CSMD3: variants seen among roughly 807,000 people sequenced by gnomAD.
The protein encoded by CSMD3 is CUB and sushi domain-containing protein 3.
Under a neutral mutation model 435.2 loss-of-function variants are expected in CSMD3, and 177 were observed. The observed-to-expected ratio is 0.41, with a 90% CI of 0.36 to 0.46. The LOEUF is 0.46. CSMD3 is among the 20% of genes least tolerant of loss of function. The pLI is 0.34. For synonymous variants in CSMD3, 1,656 were observed against 1,520.5 expected, an observed-to-expected ratio of 1.09 and a Z score of -2.07; for missense variants, 4,265 against 4,504.6, an observed-to-expected ratio of 0.95 and a Z score of 1.52.
intron 5 of CSMD3, among the ~76,000 whole-genome samples, chr8:113,069,684 T>A (rs369376827): frequency 2.0e-5 from 3 of 152,256 alleles, no homozygotes; most frequent in East Asian, 3.9e-4. Flanking sequence ...CAATACTCCT[T>A]CCCTTCCAGG....
At chr8:112,757,999 T>A (rs1274171356) in intron 13 of CSMD3, among the ~76,000 whole-genome samples, 5 of 152,062 alleles carry the variant, frequency 3.3e-5, no homozygotes, top group Non-Finnish European at 5.9e-5. Context: ...CAGGCTGCAG[T>A]GAGCCGTGAT....
chr8:112,239,344 G>T (rs2130026799), intron 66 of CSMD3, among the ~76,000 whole-genome samples: 1 of 152,104 alleles, frequency 6.6e-6, no homozygotes, highest in East Asian at 1.9e-4. Flanking sequence ...CTACAATGTT[G>T]AATTTGATTT....
At chr8:112,701,672 G>T (rs999514905) in intron 13 of CSMD3, among the ~76,000 whole-genome samples, 2 of 152,200 alleles carry the variant, frequency 1.3e-5, no homozygotes, top group Middle Eastern at 3.4e-3. Context: ...GGTAACTTGG[G>T]AACTATTTAG....
At chr8:112,260,496 T>C (rs1167665975) in intron 61 of CSMD3, among the ~76,000 whole-genome samples, 1 of 152,182 alleles carries the variant, frequency 6.6e-6, no homozygotes, top group African/African-American at 2.4e-5. Context: ...ATTTGAAATG[T>C]AAATACATAT....
At chr8:112,704,904 T>G (rs2076466050) in intron 13 of CSMD3, among the ~76,000 whole-genome samples, 1 of 152,068 alleles carries the variant, frequency 6.6e-6, no homozygotes, top group African/African-American at 2.4e-5. Flanking sequence ...GCTTATAAAT[T>G]TATTTCATGT....
chr8:112,963,032 A>T (rs80260909), intron 7 of CSMD3, among the ~76,000 whole-genome samples: 92 of 152,094 alleles, frequency 6.0e-4, no homozygotes, highest in African/African-American at 2.2e-3. Flanking sequence ...GACTCTATCA[A>T]CAGACTCCCT....
At position 112,638,928 on chromosome 8, in the gene CSMD3, A is replaced by G. The variant is rs773159677; in HGVS notation, c.3311-17T>C. 3 of 1,545,146 alleles carry G rather than the reference A, an allele frequency of 1.9e-6. No homozygotes were observed. The highest frequency in any genetic ancestry group is 2.3e-5 in the East Asian group (1 of 44,414). On this transcript the variant is annotated splice_polypyrimidine_tract_variant and intron_variant, in intron 20 of 70. Coordinates refer to ENST00000297405, the MANE Select transcript of CSMD3 (RefSeq NM_198123.2). Reference sequence around the variant, plus strand: ...ACTGCACACCTATTAAGAAAAATAGAAACACTGAATTTACAGGTAGATCAG... The same window carrying G: ...ACTGCACACCTATTAAGAAAAATAGGAACACTGAATTTACAGGTAGATCAG...
At chr8:113,033,536 T>C (rs111926618) in intron 5 of CSMD3, among the ~76,000 whole-genome samples, 3 of 151,568 alleles carry the variant, frequency 2.0e-5, no homozygotes, top group African/African-American at 7.2e-5. Flanking sequence ...TGCTTGTACC[T>C]GCATTGTATC....
In CSMD3 at chr8:112,227,940, G is replaced by A. The variant is rs531217627; in HGVS notation, c.10964+816C>T. ...ACCTGTAGTCCCATCTACTTGGGAG[G>A]CTGAAGCAGGAGAGTGGCGTGAACC... On this transcript the variant is annotated intron_variant, in intron 70 of 70. Coordinates refer to ENST00000297405, the MANE Select transcript of CSMD3 (RefSeq NM_198123.2). Among the ~76,000 whole-genome samples, 4 of 152,170 alleles carry A rather than the reference G, an allele frequency of 2.6e-5. 1 individual carries two copies. In the South Asian group the frequency reaches 6.2e-4, roughly 24 times the overall value.
Position 112,390,645 on chromosome 8 carries a change from A to G in CSMD3, c.5934+19T>C. On this transcript the variant is annotated intron_variant, in intron 36 of 70. Transcript: ENST00000297405. ...CTACACACATACAATGAAAAGAAGAAAAACTTAAATATTCTTACTTGAATG... is the reference window on the plus strand; with the variant it reads ...CTACACACATACAATGAAAAGAAGAGAAACTTAAATATTCTTACTTGAATG... 1 of 1,604,648 alleles carries G rather than the reference A, an allele frequency of 6.2e-7. No individual in the cohort carries two copies. Among genetic ancestry groups the G allele is most frequent in the South Asian group, 1.1e-5 (1 of 90,886 alleles).
intron 13 of CSMD3, among the ~76,000 whole-genome samples, chr8:112,769,858 C>T (rs1463514069): frequency 2.0e-5 from 3 of 151,800 alleles, no homozygotes; most frequent in Non-Finnish European, 2.9e-5. Flanking sequence ...CACACACATA[C>T]ATATTACTAA....
intron 22 of CSMD3, among the ~76,000 whole-genome samples, chr8:112,600,049 A>T (rs1316164119): frequency 6.6e-6 from 1 of 152,016 alleles, no homozygotes; most frequent in African/African-American, 2.4e-5. Flanking sequence ...ACAGAGGTGG[A>T]GGGTGACTGG....
At chr8:113,367,494 T>C (rs556961955) in intron 1 of CSMD3, among the ~76,000 whole-genome samples, 1 of 152,222 alleles carries the variant, frequency 6.6e-6, no homozygotes, top group South Asian at 2.1e-4. Context: ...CTATTATAAC[T>C]TAAATTACAA....
At chr8:112,295,412 A>G (rs1035546644) in intron 54 of CSMD3, among the ~76,000 whole-genome samples, 2 of 152,128 alleles carry the variant, frequency 1.3e-5, no homozygotes, top group Non-Finnish European at 2.9e-5. Flanking sequence ...CAGTAGTATC[A>G]TAATTGTTAG....
At chr8:112,226,354 C>T (rs1001128024) in intron 70 of CSMD3, among the ~76,000 whole-genome samples, 10 of 151,916 alleles carry the variant, frequency 6.6e-5, no homozygotes, top group Non-Finnish European at 1.5e-4. Flanking sequence ...AATAATTGCC[C>T]CTTCTTAATA....
intron 56 of CSMD3, among the ~76,000 whole-genome samples, chr8:112,290,736 CG>C (rs2130668582): frequency 6.6e-6 from 1 of 152,074 alleles, no homozygotes; most frequent in African/African-American, 2.4e-5. Context: ...TTTCTTCACA[CG>C]CTATTCATTC....
At chr8:113,317,180 C>T (rs896254016) in intron 1 of CSMD3, among the ~76,000 whole-genome samples, 8 of 151,982 alleles carry the variant, frequency 5.3e-5, no homozygotes, top group African/African-American at 1.9e-4. Context: ...TTATGATTTT[C>T]AAAAATAAAT....
Position 112,573,625 on chromosome 8 carries a change from T to C in CSMD3, c.3918A>G (p.Leu1306=), listed in dbSNP as rs768869426. ...TAGATGCACCAGTAAAAGCACCTAG[T>C]AGATGAGTCGTTTTATCTTTTCCAT... ...IYDGKDKTTH[L]LGAFTGASMR... The change falls in exon 24 of 71, where the codon CTA becomes CTG. Residue 1306 remains leucine (L), a synonymous_variant. Coordinates refer to ENST00000297405, the MANE Select transcript of CSMD3 (RefSeq NM_198123.2). The C allele has an allele frequency of 1.8e-5, 29 of 1,612,672 alleles. No homozygotes were observed. Among genetic ancestry groups the C allele is most frequent in the Middle Eastern group, 3.3e-4 (2 of 6,078 alleles).
chr8:112,567,560 C>T (rs992259879), intron 24 of CSMD3, among the ~76,000 whole-genome samples: 3 of 151,946 alleles, frequency 2.0e-5, no homozygotes, highest in Non-Finnish European at 2.9e-5. Context: ...TAGTAAATTT[C>T]AATAGAAGAG....
Sources: gnomAD v4.1 joint callset for allele counts (sites outside exome capture counted in the v4.1 genomes callset) on GRCh38, gnomAD v4.1.1 for gene constraint, MANE v1.5 for transcripts, NCBI Gene and HGNC (gene_info 2026-07-23, HGNC 2026-07-21) for gene names.